ABCB1: variants seen among roughly 807,000 people sequenced by gnomAD.
ABCB1 encodes ATP-dependent translocase ABCB1.
In ABCB1, 69 loss-of-function variants were observed where a neutral mutation model predicts 142.0. The observed-to-expected ratio is 0.49, with a 90% CI of 0.40 to 0.59. The LOEUF (loss-of-function observed/expected upper bound fraction) is 0.59, where lower values mean the gene tolerates loss of function less well. Ranked by LOEUF, ABCB1 falls within the 20% of genes least tolerant of loss-of-function variation. The pLI, the probability that ABCB1 is intolerant of heterozygous loss-of-function variation, is 0.00. For missense variants in ABCB1, 1,326 were observed against 1,554.7 expected (o/e 0.85, Z 2.47); for synonymous variants, 532 against 539.2 (o/e 0.99, Z 0.18).
At chr7:87,593,614 A>G (rs943743317) in intron 3 of ABCB1, among the ~76,000 whole-genome samples, 4 of 152,216 alleles carry the variant, frequency 2.6e-5, no homozygotes, top group African/African-American at 7.2e-5. Flanking sequence ...TGTACAAACA[A>G]TATGATTCTT....
intron 1 of ABCB1, among the ~76,000 whole-genome samples, chr7:87,651,204 A>G (rs1437840559): frequency 6.6e-6 from 1 of 152,162 alleles, no homozygotes; most frequent in South Asian, 2.1e-4. Context: ...CTTAAATTGA[A>G]AGGAAGCGCA....
intron 1 of ABCB1, among the ~76,000 whole-genome samples, chr7:87,677,619 A>G (rs1048046224): frequency 3.9e-5 from 6 of 152,128 alleles, no homozygotes; most frequent in Non-Finnish European, 8.8e-5. Context: ...GAAAATTGCT[A>G]TGATAGTAGA....
In ABCB1 at chr7:87,549,368, C is replaced by A; in HGVS notation, c.1705G>T (p.Val569Phe). The A allele has an allele frequency of 6.2e-7, 1 of 1,614,172 alleles. No individual in the cohort carries two copies. The highest frequency in any genetic ancestry group is 8.5e-7 in the Non-Finnish European group (1 of 1,180,022). ...CTGACCTTATCCAGAGCCACCTGAA[C>A]CACTGCTTCGCTTTCTGTGTCCAAG... ...SALDTESEAV[V>F]QVALDKARKG... The change falls in exon 14 of 28, where the codon GTT becomes TTT. Residue 569 changes from valine (V) to phenylalanine (F), a missense_variant. By Grantham distance (50) the Val-to-Phe change is conservative. Transcript: ENST00000622132.
At chr7:87,584,498 T>C (rs1818647346) in intron 4 of ABCB1, among the ~76,000 whole-genome samples, 1 of 152,008 alleles carries the variant, frequency 6.6e-6, no homozygotes, top group Non-Finnish European at 1.5e-5. Flanking sequence ...AGAGGTAACC[T>C]AGGAAACTCA....
chr7:87,711,277 GATTGAGCC>G (rs11278061), intron 1 of ABCB1, among the ~76,000 whole-genome samples: 2,058 of 152,112 alleles, frequency 0.014, 46 homozygotes, highest in African/African-American at 0.047. Flanking sequence ...GGAGAGCCGA[GATTGAGCC>G]ATTGCACCGC....
intron 21 of ABCB1, among the ~76,000 whole-genome samples, chr7:87,525,092 T>G (rs1468015553): frequency 1.3e-5 from 2 of 152,142 alleles, no homozygotes; most frequent in Non-Finnish European, 2.9e-5. Context: ...TGACGCACAA[T>G]GAAGCAATTA....
At chr7:87,595,342 G>A (rs1401219809) in intron 3 of ABCB1, among the ~76,000 whole-genome samples, 1 of 151,982 alleles carries the variant, frequency 6.6e-6, no homozygotes, top group Non-Finnish European at 1.5e-5. Flanking sequence ...ATTTGCAATG[G>A]ACTAACCTAA....
intron 1 of ABCB1, 103 bp downstream of exon 1, chr7:87,600,652 C>T (rs1819415715): frequency 5.6e-6 from 1 of 179,610 alleles, no homozygotes; most frequent in Non-Finnish European, 1.2e-5. Flanking sequence ...ACACTATCCA[C>T]GCCTCAAGAA....
chr7:87,615,648 A>G (rs926073786), intron 1 of ABCB1, among the ~76,000 whole-genome samples: 1 of 152,190 alleles, frequency 6.6e-6, no homozygotes, highest in African/African-American at 2.4e-5. Flanking sequence ...TAGACTCTGG[A>G]TATATTTTGA....
At chr7:87,555,554 T>G (rs1415831825) in intron 8 of ABCB1, among the ~76,000 whole-genome samples, 1 of 152,136 alleles carries the variant, frequency 6.6e-6, no homozygotes, top group Non-Finnish European at 1.5e-5. Flanking sequence ...CCAAGTGAAA[T>G]TTACATCACT....
intron 1 of ABCB1, among the ~76,000 whole-genome samples, chr7:87,614,551 T>C (rs1363647725): frequency 6.6e-6 from 1 of 152,228 alleles, no homozygotes; most frequent in Admixed American, 6.5e-5. Context: ...GCATTTCAGT[T>C]CATGACCTTG....
intron 1 of ABCB1, among the ~76,000 whole-genome samples, chr7:87,615,119 G>A (rs971428580): frequency 6.6e-6 from 1 of 152,276 alleles, no homozygotes; most frequent in East Asian, 1.9e-4. Flanking sequence ...TTACAGGTGT[G>A]AGCCCCTGCG....
chr7:87,512,762 C>T (rs1815072714), intron 25 of ABCB1, among the ~76,000 whole-genome samples: 1 of 152,314 alleles, frequency 6.6e-6, no homozygotes, highest in Admixed American at 6.5e-5. Context: ...GGCTGCAGTG[C>T]ACCATCTGGC....
intron 1 of ABCB1, among the ~76,000 whole-genome samples, chr7:87,659,533 A>G (rs1305531596): frequency 6.6e-6 from 1 of 152,160 alleles, no homozygotes; most frequent in African/African-American, 2.4e-5. Context: ...CTCTACATAC[A>G]TATAGGACCA....
At chr7:87,661,297 T>C (rs975003941) in intron 1 of ABCB1, among the ~76,000 whole-genome samples, 2 of 151,912 alleles carry the variant, frequency 1.3e-5, no homozygotes, top group Non-Finnish European at 2.9e-5. Flanking sequence ...TTTTTAAATA[T>C]GCAATAAATT....
Position 87,580,863 on chromosome 7 carries a change from G to A in ABCB1, c.286+4649C>T, listed in dbSNP as rs567539551. Among the ~76,000 whole-genome samples the A allele has an allele frequency of 1.8e-4, 27 of 152,038 alleles. No homozygotes were observed. The South Asian group carries it at 5.4e-3, about 30-fold the overall frequency. ...TGTGATTCATTCTTCAGTATGTGCT[G>A]CTGGTGGGGGAGGGGAAGAGTGGTG... is the stretch of plus-strand genomic sequence containing the variant. On this transcript the variant is annotated intron_variant, in intron 4 of 27. Coordinates refer to ENST00000622132, the MANE Select transcript of ABCB1 (RefSeq NM_001348946.2).
chr7:87,577,084 G>A (rs1200525205), intron 4 of ABCB1, among the ~76,000 whole-genome samples: 1 of 151,720 alleles, frequency 6.6e-6, no homozygotes, highest in Non-Finnish European at 1.5e-5. Context: ...ACACTTCCCG[G>A]CCTCTGGTAA....
At chr7:87,700,289 T>G in intron 1 of ABCB1, 1 of 679,090 alleles carries the variant, frequency 1.5e-6, no homozygotes, top group East Asian at 2.9e-5. Flanking sequence ...TTTTGACACC[T>G]AGATTGGTGG....
At chr7:87,583,840 G>A (rs1818620733) in intron 4 of ABCB1, among the ~76,000 whole-genome samples, 2 of 152,174 alleles carry the variant, frequency 1.3e-5, no homozygotes, top group Admixed American at 1.3e-4. Flanking sequence ...AAGTGAGCAA[G>A]ATCTGGATGG....
Sources: gnomAD v4.1 joint callset for allele counts (sites outside exome capture counted in the v4.1 genomes callset) on GRCh38, gnomAD v4.1.1 for gene constraint, MANE v1.5 for transcripts, NCBI Gene and HGNC (gene_info 2026-07-23, HGNC 2026-07-21) for gene names.